RUNX2: variants seen among roughly 807,000 people sequenced by gnomAD.
RUNX2 encodes RUNX family transcription factor 2.
RUNX2 carries 10 observed loss-of-function variants against 51.7 expected under a neutral mutation model. That is an observed-to-expected ratio of 0.19 (90% CI 0.12 to 0.33). The LOEUF is 0.33. RUNX2 is among the 10% of genes least tolerant of loss of function. The probability of loss-of-function intolerance (pLI) is 1.00; values close to 1 mark genes in which losing one functional copy is unlikely to be tolerated. For synonymous variants in RUNX2, 276 were observed against 273.6 expected (o/e 1.01, Z -0.09); for missense variants, 562 against 691.3 (o/e 0.81, Z 2.10).
At chr6:45,530,275 A>G (rs554582782) in intron 7 of RUNX2, among the ~76,000 whole-genome samples, 1 of 152,378 alleles carries the variant, frequency 6.6e-6, no homozygotes, top group Admixed American at 6.5e-5. Flanking sequence ...ATGTCTAGTT[A>G]GAAGTTTGAA....
intron 5 of RUNX2, among the ~76,000 whole-genome samples, chr6:45,441,354 C>T (rs1377583994): frequency 6.6e-6 from 1 of 152,142 alleles, no homozygotes; most frequent in East Asian, 1.9e-4. Flanking sequence ...CTGCTTGGAT[C>T]GAAATCCCAA....
intron 5 of RUNX2, among the ~76,000 whole-genome samples, chr6:45,489,182 T>A (rs1172778740): frequency 6.6e-6 from 1 of 152,208 alleles, no homozygotes; most frequent in Non-Finnish European, 1.5e-5. Flanking sequence ...TGTTTTTGTA[T>A]GTGTGCATCT....
intron 2 of RUNX2, among the ~76,000 whole-genome samples, chr6:45,379,780 C>T (rs949108039): frequency 2.0e-5 from 3 of 152,010 alleles, no homozygotes; most frequent in Non-Finnish European, 4.4e-5. Context: ...GCAGGAGAAT[C>T]GCTTGAACCT....
intron 5 of RUNX2, among the ~76,000 whole-genome samples, chr6:45,444,812 G>A (rs1170453806): frequency 6.6e-6 from 1 of 152,070 alleles, no homozygotes; most frequent in African/African-American, 2.4e-5. Flanking sequence ...TTTCTCTTAC[G>A]CTGTTCCACC....
chr6:45,339,608 A>G (rs1183660871), intron 2 of RUNX2, among the ~76,000 whole-genome samples: 1 of 151,640 alleles, frequency 6.6e-6, no homozygotes, highest in Non-Finnish European at 1.5e-5. Context: ...TAATAAGGAA[A>G]ATAAGAAGTA....
intron 2 of RUNX2, among the ~76,000 whole-genome samples, chr6:45,349,442 T>G (rs1357970830): frequency 6.6e-6 from 1 of 152,214 alleles, no homozygotes; most frequent in African/African-American, 2.4e-5. Context: ...AGCACTAGTT[T>G]TCCAAGTATG....
chr6:45,531,965 C>T (rs532861670), intron 7 of RUNX2, among the ~76,000 whole-genome samples: 4 of 152,034 alleles, frequency 2.6e-5, no homozygotes, highest in Non-Finnish European at 4.4e-5. Context: ...TATCTCCCAT[C>T]GAATATGGGA....
chr6:45,487,098 A>G (rs529569798), intron 5 of RUNX2, among the ~76,000 whole-genome samples: 153 of 152,318 alleles, frequency 1.0e-3, no homozygotes, highest in Non-Finnish European at 1.8e-3. Context: ...ATTTATTGCA[A>G]CAAAAGTCAT....
At chr6:45,354,286 A>G (rs574894846) in intron 2 of RUNX2, among the ~76,000 whole-genome samples, 1 of 152,288 alleles carries the variant, frequency 6.6e-6, no homozygotes, top group African/African-American at 2.4e-5. Context: ...TATACACACA[A>G]TGAAATAAAA....
At chr6:45,440,712 C>T (rs1458223003) in intron 5 of RUNX2, among the ~76,000 whole-genome samples, 1 of 151,706 alleles carries the variant, frequency 6.6e-6, no homozygotes, top group Non-Finnish European at 1.5e-5. Flanking sequence ...GTGATGAGAC[C>T]CAAATCTAAA....
intron 2 of RUNX2, among the ~76,000 whole-genome samples, chr6:45,352,333 T>C (rs1394711574): frequency 1.3e-5 from 2 of 152,124 alleles, no homozygotes; most frequent in African/African-American, 4.8e-5. Context: ...AAAGATCAAG[T>C]AGTTTTTTTC....
intron 2 of RUNX2, among the ~76,000 whole-genome samples, chr6:45,335,850 G>A (rs1788438740): frequency 1.3e-5 from 2 of 151,276 alleles, no homozygotes; most frequent in South Asian, 4.1e-4. Context: ...CATGAAATCT[G>A]TAAAGCATTT....
chr6:45,414,328 A>C (rs1410572269), intron 2 of RUNX2, among the ~76,000 whole-genome samples: 2 of 152,142 alleles, frequency 1.3e-5, no homozygotes, highest in Non-Finnish European at 2.9e-5. Context: ...CTTCTCCACT[A>C]TATTACAATA....
chr6:45,412,217 A>T lies in RUNX2; in HGVS notation c.59-10376A>T, dbSNP rs75260651. Among the ~76,000 whole-genome samples, 607 of 150,436 alleles carry T rather than the reference A, an allele frequency of 4.0e-3. 9 individuals are homozygous for T. The highest frequency in any genetic ancestry group is 0.014 in the African/African-American group (577 of 40,926). On this transcript the variant is annotated intron_variant, in intron 2 of 8. Coordinates refer to ENST00000647337, the MANE Select transcript of RUNX2 (RefSeq NM_001024630.4). ...AAAAAAAAAAAAAAATTAGCCGGGC[A>T]TGGTAGCTCATGCCTGTAGTTCCAG...
intron 2 of RUNX2, among the ~76,000 whole-genome samples, chr6:45,348,053 G>GT (rs1468921287): frequency 1.3e-5 from 2 of 151,936 alleles, no homozygotes; most frequent in Non-Finnish European, 2.9e-5. Flanking sequence ...GTGGATATGT[G>GT]TATGTATCCC....
At chr6:45,403,512 C>T (rs550697927) in intron 2 of RUNX2, among the ~76,000 whole-genome samples, 3 of 152,268 alleles carry the variant, frequency 2.0e-5, no homozygotes, top group South Asian at 2.1e-4. Flanking sequence ...GGATTACAGG[C>T]GTGAGCCACT....
intron 6 of RUNX2, among the ~76,000 whole-genome samples, chr6:45,505,409 C>A (rs569998219): frequency 4.7e-5 from 7 of 149,214 alleles, no homozygotes; most frequent in South Asian, 2.1e-4. Flanking sequence ...CAATATAACT[C>A]CAAGTGTTTA....
intron 2 of RUNX2, among the ~76,000 whole-genome samples, chr6:45,389,201 T>C (rs1797419771): frequency 6.6e-6 from 1 of 152,246 alleles, no homozygotes; most frequent in Non-Finnish European, 1.5e-5. Flanking sequence ...TTCTCTTCAA[T>C]AGAACACATG....
chr6:45,510,574 T>C (rs1456021176), intron 6 of RUNX2, among the ~76,000 whole-genome samples: 1 of 152,170 alleles, frequency 6.6e-6, no homozygotes, highest in East Asian at 1.9e-4. Flanking sequence ...ATACTCATTT[T>C]TACTTTTAGA....
Sources: allele counts gnomAD v4.1 joint callset (sites outside exome capture counted in the v4.1 genomes callset), GRCh38; gene constraint gnomAD v4.1.1; transcripts MANE v1.5; gene names NCBI Gene and HGNC (gene_info 2026-07-23, HGNC 2026-07-21).